CDC45: variants seen among roughly 807,000 people sequenced by gnomAD.
CDC45 encodes the protein cell division cycle 45.
CDC45 carries 54 observed loss-of-function variants against 77.8 expected under a neutral mutation model. The observed-to-expected ratio is 0.69, with a 90% CI of 0.56 to 0.87. The LOEUF (loss-of-function observed/expected upper bound fraction) is 0.87, where lower values mean the gene tolerates loss of function less well. Ranked by LOEUF, CDC45 falls within the 40% of genes least tolerant of loss-of-function variation. The pLI is 0.00. For missense variants in CDC45, 649 were observed against 721.6 expected (o/e 0.90, Z 1.15); for synonymous variants, 260 against 272.1 (o/e 0.96, Z 0.44).
At chr22:19,512,989 G>A (rs1933597085) in intron 13 of CDC45, among the ~76,000 whole-genome samples, 2 of 152,188 alleles carry the variant, frequency 1.3e-5, no homozygotes, top group Non-Finnish European at 2.9e-5. Flanking sequence ...GGAAGAGAGA[G>A]GAGGAAGGTA....
At chr22:19,506,640 A>C (rs1933193907) in intron 10 of CDC45, among the ~76,000 whole-genome samples, 1 of 152,182 alleles carries the variant, frequency 6.6e-6, no homozygotes, top group Admixed American at 6.5e-5. Flanking sequence ...ATGTTTAAGA[A>C]AAGGGCTGAG....
rs879859307 is a variant in CDC45 at position 19,493,234 on chromosome 22, T to TTG, written c.487-1092_487-1091insGT. Among the ~76,000 whole-genome samples, 1,073 of 135,664 alleles carry TTG rather than the reference T, an allele frequency of 7.9e-3. 10 individuals carry two copies. The highest frequency in any genetic ancestry group is 0.026 in the East Asian group (100 of 3,920). 89.0% of individuals were successfully genotyped at this position (135,664 alleles called of 152,430 possible). On this transcript the variant is annotated intron_variant, in intron 5 of 18. Transcript: ENST00000263201. ...ACAGAGCAGCTTTTGTGGGTTTTTTTTTTTGTTGTTTTGTTTTGTTTTGTT... is the reference window on the plus strand; with the variant it reads ...ACAGAGCAGCTTTTGTGGGTTTTTTTTGTTTTGTTGTTTTGTTTTGTTTTGTT...
chr22:19,482,926 T>C, intron 4 of CDC45, 99 bp downstream of exon 4: 1 of 1,090,740 alleles, frequency 9.2e-7, no homozygotes. Flanking sequence ...GACTACCCTG[T>C]GGGACTGGGA....
chr22:19,517,173 C>A (rs1933846144), intron 17 of CDC45, among the ~76,000 whole-genome samples: 1 of 152,250 alleles, frequency 6.6e-6, no homozygotes, highest in African/African-American at 2.4e-5. Context: ...TCCCAGCAAG[C>A]CTAGGGGACT....
chr22:19,481,914 C>T (rs745938177), intron 3 of CDC45, among the ~76,000 whole-genome samples: 13 of 152,274 alleles, frequency 8.5e-5, no homozygotes, highest in Admixed American at 2.0e-4. Context: ...TCAAGTGATC[C>T]GCCTGCCTCA....
intron 18 of CDC45, 62 bp downstream of exon 18, chr22:19,518,971 C>A: frequency 8.1e-7 from 1 of 1,231,492 alleles, no homozygotes; most frequent in Non-Finnish European, 1.2e-6. Context: ...GACCCTGATG[C>A]CCTGCTCTGT....
intron 5 of CDC45, among the ~76,000 whole-genome samples, chr22:19,493,227 G>GTTT (rs368497589): frequency 2.3e-4 from 32 of 136,396 alleles, no homozygotes; most frequent in Admixed American, 4.5e-4. Context: ...GCTTTTGTGG[G>GTTT]TTTTTTTTTT....
chr22:19,514,626 A>G (rs529023986), intron 13 of CDC45, 123 bp from the exon 14 acceptor site: 4 of 744,700 alleles, frequency 5.4e-6, no homozygotes, highest in African/African-American at 5.3e-5. Flanking sequence ...GAGGGAAAGA[A>G]GATAAATTCT....
chr22:19,491,447 A>G (rs1173885715), intron 5 of CDC45, among the ~76,000 whole-genome samples: 10 of 142,782 alleles, frequency 7.0e-5, no homozygotes, highest in Non-Finnish European at 1.4e-4. Context: ...TTTTTTTTTT[A>G]TTCCTAAAAG....
Position 19,480,024 on chromosome 22 carries a change from C to T in CDC45, c.51+5C>T. Reference sequence around the variant, plus strand: ...TACGAGGTGGTCCAGAGCCAGGTGACGCCCAGTCCGGGACCCCCGCCGAGG... The same window carrying T: ...TACGAGGTGGTCCAGAGCCAGGTGATGCCCAGTCCGGGACCCCCGCCGAGG... On this transcript the variant is annotated splice_donor_5th_base_variant and intron_variant, in intron 1 of 18. Coordinates refer to ENST00000263201, the MANE Select transcript of CDC45 (RefSeq NM_003504.5). 4 of 1,613,916 alleles carry T rather than the reference C, an allele frequency of 2.5e-6. No individual in the cohort carries two copies. Among genetic ancestry groups the T allele is most frequent in the Non-Finnish European group, 3.4e-6 (4 of 1,179,976 alleles).
intron 9 of CDC45, among the ~76,000 whole-genome samples, chr22:19,501,689 GTCA>G (rs1429017607): frequency 6.6e-6 from 1 of 152,116 alleles, no homozygotes; most frequent in Non-Finnish European, 1.5e-5. Flanking sequence ...GACAAAACTA[GTCA>G]TCATTTCAAA....
Position 19,515,048 on chromosome 22 carries a change from G to A in CDC45, c.1440G>A (p.Ser480=), listed in dbSNP as rs1345274568. 6.9e-6 allele frequency: 11 copies of A among 1,600,594 alleles called. No homozygotes were observed. Among genetic ancestry groups the A allele is most frequent in the South Asian group, 2.2e-5 (2 of 89,100 alleles). Residue 480 remains serine, a splice_region_variant and synonymous_variant, in exon 15 of 19, where the codon TCG becomes TCA. Transcript: ENST00000263201. ...SKHLLKSFVC[S]TKNRRCKLLP... The stretch of plus-strand genomic sequence containing the variant: ...ACCTGCTCAAGTCCTTTGTGTGTTC[G>A]GTGAGGGGCCAGGCGGGTGCTGTGG...
chr22:19,487,025 G>C (rs2090079702), intron 5 of CDC45, among the ~76,000 whole-genome samples: 1 of 151,566 alleles, frequency 6.6e-6, no homozygotes, highest in African/African-American at 2.4e-5. Flanking sequence ...CTGGTGTGGT[G>C]GCTCAAGCCT....
rs373809427 is a variant in CDC45 at position 19,495,978 on chromosome 22, C to T, written c.543-3C>T. On this transcript the variant is annotated splice_region_variant and splice_polypyrimidine_tract_variant and intron_variant, in intron 6 of 18. Coordinates refer to ENST00000263201, the MANE Select transcript of CDC45 (RefSeq NM_003504.5). ...TGAAGACCTGCATTTTATGTCATTA[C>T]AGAAGAGACATCCTCTTTGACTACG... 75 of 1,609,038 alleles carry T rather than the reference C, an allele frequency of 4.7e-5. 1 individual carries two copies. In the African/African-American group the frequency reaches 8.5e-4, roughly 18 times the overall value.
intron 5 of CDC45, among the ~76,000 whole-genome samples, chr22:19,491,427 T>G (rs1221772190): frequency 6.6e-6 from 1 of 151,506 alleles, no homozygotes; most frequent in Non-Finnish European, 1.5e-5. Flanking sequence ...CTTTGAGAAT[T>G]TCTTGATTTT....
At chr22:19,513,165 G>A (rs1214232126) in intron 13 of CDC45, among the ~76,000 whole-genome samples, 1 of 152,184 alleles carries the variant, frequency 6.6e-6, no homozygotes, top group Admixed American at 6.5e-5. Flanking sequence ...TTCAACATGA[G>A]GTTTTGAGGG....
chr22:19,492,008 G>C (rs556437278), intron 5 of CDC45, among the ~76,000 whole-genome samples: 2 of 152,036 alleles, frequency 1.3e-5, no homozygotes, highest in Non-Finnish European at 2.9e-5. Flanking sequence ...GTTTTTCCAT[G>C]TTGGCCAGGC....
In CDC45 at chr22:19,480,979, A is replaced by G. The variant is rs574231470; in HGVS notation, c.138A>G (p.Gln46=). 3.7e-6 allele frequency: 6 copies of G among 1,613,584 alleles called. No homozygotes were observed. The highest frequency in any genetic ancestry group is 2.2e-5 in the East Asian group (1 of 44,862). The change falls in exon 3 of 19, where the codon CAA becomes CAG. Residue 46 remains glutamine (Q), a synonymous_variant. Transcript: ENST00000263201. ...LQALFQCDHV[Q]YTLVPVSGWQ... is the part of the protein sequence containing the mutation. ...CCTTGTTCCAGTGTGACCACGTGCAATATACGCTGGTTCCAGTTTCTGGGT... is the reference window on the plus strand; with the variant it reads ...CCTTGTTCCAGTGTGACCACGTGCAGTATACGCTGGTTCCAGTTTCTGGGT...
chr22:19,511,778 T>G lies in CDC45; in HGVS notation c.1218-2971T>G, dbSNP rs115236724. 3.6e-3 allele frequency among the ~76,000 whole-genome samples: 542 copies of G among 152,308 alleles called. 1 individual carries two copies. The highest frequency in any genetic ancestry group is 0.012 in the African/African-American group (519 of 41,558). ...TTTTGATGACATTTAAGTTACCTACTTTTTCTTTTGTTTCTTGTGCTTTTG... is the reference window on the plus strand; with the variant it reads ...TTTTGATGACATTTAAGTTACCTACGTTTTCTTTTGTTTCTTGTGCTTTTG... On this transcript the variant is annotated intron_variant, in intron 13 of 18. Transcript: ENST00000263201.
Sources: allele counts gnomAD v4.1 joint callset (sites outside exome capture counted in the v4.1 genomes callset), GRCh38; gene constraint gnomAD v4.1.1; transcripts MANE v1.5; gene names NCBI Gene and HGNC (gene_info 2026-07-23, HGNC 2026-07-21).